The following TMEM132D variants were observed in gnomAD, a reference collection of about 807,000 sequenced individuals.
TMEM132D encodes mature OL transmembrane protein.
A neutral mutation model predicts 62.3 loss-of-function variants in TMEM132D; 21 were observed. The observed-to-expected ratio is 0.34, with a 90% CI of 0.24 to 0.49. The LOEUF (loss-of-function observed/expected upper bound fraction) is 0.49. Among genes scored for constraint, TMEM132D ranks in the 20% least tolerant of loss-of-function variants. TMEM132D has a pLI of 0.99. For missense variants in TMEM132D, 1,346 were observed against 1,402.8 expected (o/e 0.96, Z 0.65); for synonymous variants, 621 against 575.6 (o/e 1.08, Z -1.13).
At chr12:129,375,752 T>C (rs1261968468) in intron 3 of TMEM132D, among the ~76,000 whole-genome samples, 2 of 152,126 alleles carry the variant, frequency 1.3e-5, no homozygotes, top group Admixed American at 6.5e-5. Flanking sequence ...ATTGATTTCA[T>C]TGGTCTGAGA....
At chr12:129,834,009 G>C (rs891242549) in intron 1 of TMEM132D, among the ~76,000 whole-genome samples, 1 of 152,156 alleles carries the variant, frequency 6.6e-6, no homozygotes, top group African/African-American at 2.4e-5. Flanking sequence ...GAATCACTGA[G>C]GGGGTGTCAT....
chr12:129,737,332 T>C (rs972049697), intron 1 of TMEM132D, among the ~76,000 whole-genome samples: 1 of 152,202 alleles, frequency 6.6e-6, no homozygotes, highest in African/African-American at 2.4e-5. Flanking sequence ...GAAGTATTGT[T>C]TGGCCCTCCC....
intron 3 of TMEM132D, among the ~76,000 whole-genome samples, chr12:129,516,485 G>T (rs1033771926): frequency 1.3e-5 from 2 of 152,188 alleles, no homozygotes; most frequent in Non-Finnish European, 2.9e-5. Flanking sequence ...TTACATGGTG[G>T]CAGACAGGAG....
chr12:129,418,941 C>T (rs11829585), intron 3 of TMEM132D, among the ~76,000 whole-genome samples: 52,246 of 151,872 alleles, frequency 0.34, 9,557 homozygotes, highest in African/African-American at 0.46. Flanking sequence ...AGTGAAGCAA[C>T]GACAGCCAGC....
chr12:129,487,031 T>TC (rs1874602669), intron 3 of TMEM132D, among the ~76,000 whole-genome samples: 1 of 70,490 alleles, frequency 1.4e-5, no homozygotes, highest in African/African-American at 4.2e-5. Flanking sequence ...TGTTTGCGTA[T>TC]GGGGGGGGGG....
At chr12:129,511,212 T>G (rs1357741585) in intron 3 of TMEM132D, among the ~76,000 whole-genome samples, 2 of 152,202 alleles carry the variant, frequency 1.3e-5, no homozygotes, top group African/African-American at 4.8e-5. Context: ...GTCTCAGTAA[T>G]TCCTAACCTG....
rs111458815 is a variant in TMEM132D, at chr12:129,695,508, A to C, written c.968+4302T>G. On this transcript the variant is annotated intron_variant, in intron 2 of 8. Transcript: ENST00000422113. ...CCACTAGGGTAACAACGGGATGTAC[A>C]ATCCCAGGTACAGACCACATGTCAC... 4.3e-3 allele frequency among the ~76,000 whole-genome samples: 656 copies of C among 152,366 alleles called. 7 individuals are homozygous for C. Among genetic ancestry groups the C allele is most frequent in the African/African-American group, 0.015 (634 of 41,580 alleles).
At chr12:129,829,064 C>T (rs1872751433) in intron 1 of TMEM132D, among the ~76,000 whole-genome samples, 1 of 152,000 alleles carries the variant, frequency 6.6e-6, no homozygotes, top group African/African-American at 2.4e-5. Context: ...AACTTCTAGA[C>T]TTCTTTTTAT....
intron 1 of TMEM132D, among the ~76,000 whole-genome samples, chr12:129,820,768 T>G (rs891501242): frequency 6.6e-6 from 1 of 152,170 alleles, no homozygotes; most frequent in South Asian, 2.1e-4. Context: ...TATTATTTGT[T>G]TTTGGAGATA....
At chr12:129,691,611 T>C (rs1294838657) in intron 2 of TMEM132D, among the ~76,000 whole-genome samples, 1 of 152,134 alleles carries the variant, frequency 6.6e-6, no homozygotes, top group African/African-American at 2.4e-5. Flanking sequence ...TGCTAAGATA[T>C]TAAATTTCAA....
At chr12:129,239,992 A>G (rs952244366) in intron 4 of TMEM132D, among the ~76,000 whole-genome samples, 3 of 152,194 alleles carry the variant, frequency 2.0e-5, no homozygotes, top group African/African-American at 7.2e-5. Context: ...TTGCAAGGAA[A>G]AGGGAGAAAT....
chr12:129,429,128 C>T (rs570335720), intron 3 of TMEM132D, among the ~76,000 whole-genome samples: 1 of 96,364 alleles, frequency 1.0e-5, no homozygotes, highest in South Asian at 3.0e-4. Flanking sequence ...CACTGTAGTC[C>T]AAAATCCTTC....
chr12:129,524,452 C>T (rs960497127), intron 3 of TMEM132D, among the ~76,000 whole-genome samples: 35 of 152,158 alleles, frequency 2.3e-4, no homozygotes, highest in African/African-American at 8.2e-4. Context: ...TGCTGATATA[C>T]ACAGATCAAT....
intron 1 of TMEM132D, among the ~76,000 whole-genome samples, chr12:129,745,945 G>A (rs530737717): frequency 3.3e-5 from 5 of 152,290 alleles, no homozygotes; most frequent in Admixed American, 3.3e-4. Context: ...GGAGAATCCT[G>A]GAGAAACTCT....
chr12:129,706,960 C>T (rs956086241), intron 1 of TMEM132D, among the ~76,000 whole-genome samples: 1 of 151,278 alleles, frequency 6.6e-6, no homozygotes, highest in Non-Finnish European at 1.5e-5. Context: ...CAGTCAAAAG[C>T]AAATTCATAG....
In TMEM132D at chr12:129,903,280, C is replaced by A. The variant is rs1255722454; in HGVS notation, c.60G>T (p.Leu20=). ...CCTCACCTTTGGAAAACAGGGCGGC[C>A]AGGCTGATGAGTACCGGCGACCAGT... ...WHHWSPVLIS[L]AALFSKVTEG... Residue 20 remains leucine, a synonymous_variant, in exon 1 of 9, where the codon CTG becomes CTT. Transcript: ENST00000422113. This position sits in a 1 kb window ranked among gnomAD's most constrained non-coding sequence, Gnocchi z 6.2. The A allele has an allele frequency of 6.4e-7, 1 of 1,554,036 alleles. No individual in the cohort carries two copies. The highest frequency in any genetic ancestry group is 1.4e-5 in the African/African-American group (1 of 73,266).
chr12:129,623,847 C>A (rs954007985), intron 2 of TMEM132D, among the ~76,000 whole-genome samples: 1 of 151,772 alleles, frequency 6.6e-6, no homozygotes. Context: ...CATATCTTGG[C>A]AATTGTGAAT....
At chr12:129,817,649 G>A (rs907667521) in intron 1 of TMEM132D, among the ~76,000 whole-genome samples, 1 of 136,766 alleles carries the variant, frequency 7.3e-6, no homozygotes, top group Non-Finnish European at 1.6e-5. Flanking sequence ...GGGTGTGTCT[G>A]TAATATGGGG....
chr12:129,802,135 C>A (rs1398070370), intron 1 of TMEM132D, among the ~76,000 whole-genome samples: 1 of 151,622 alleles, frequency 6.6e-6, no homozygotes, highest in Non-Finnish European at 1.5e-5. Flanking sequence ...TCCAGGAGAA[C>A]TTCCCCAATT....
Sources: gnomAD v4.1 joint callset for allele counts (sites outside exome capture counted in the v4.1 genomes callset) on GRCh38, gnomAD v4.1.1 for gene constraint, Gnocchi (gnomAD v3.1) non-coding constraint, MANE v1.5 for transcripts, NCBI Gene and HGNC (gene_info 2026-07-23, HGNC 2026-07-21) for gene names.